SMARCC1: variants seen among roughly 807,000 people sequenced by gnomAD.
The protein encoded by SMARCC1 is SWI/SNF related BAF chromatin remodeling complex subunit C1.
A neutral mutation model predicts 147.4 loss-of-function variants in SMARCC1; 43 were observed. The ratio of observed to expected loss-of-function variants is 0.29; its 90% CI spans 0.23 to 0.38. The LOEUF (loss-of-function observed/expected upper bound fraction) is 0.38, where lower values mean the gene tolerates loss of function less well. Among genes scored for constraint, SMARCC1 ranks in the 10% least tolerant of loss-of-function variants. The pLI, the probability that SMARCC1 is intolerant of heterozygous loss-of-function variation, is 1.00. For missense variants in SMARCC1, 1,119 were observed against 1,381.1 expected (o/e 0.81, Z 3.01); for synonymous variants, 495 against 484.4 (o/e 1.02, Z -0.29).
chr3:47,662,980 G>GC (rs1308155379), intron 19 of SMARCC1, among the ~76,000 whole-genome samples: 5 of 150,624 alleles, frequency 3.3e-5, no homozygotes, highest in Non-Finnish European at 5.9e-5. Context: ...GGAGACTGAG[G>GC]CACCAGAATC....
Position 47,633,817 on chromosome 3 carries a change from C to T in SMARCC1, c.2646+1373G>A, listed in dbSNP as rs185974677. Among the ~76,000 whole-genome samples the T allele has an allele frequency of 3.3e-3, 408 of 125,316 alleles. 3 individuals are homozygous for T. The highest frequency in any genetic ancestry group is 4.4e-3 in the Non-Finnish European group (264 of 59,762). 82.2% of individuals were successfully genotyped at this position (125,316 alleles called of 152,430 possible). A position where few individuals can be genotyped will look rare whatever the true frequency, so the allele number is the denominator to read the frequency against. ...ACACACACACACACACACACACACA[C>T]ATATATATAAAATGTGAGAGACTAT... is the stretch of plus-strand genomic sequence containing the variant. On this transcript the variant is annotated intron_variant, in intron 24 of 27. Transcript: ENST00000254480.
At chr3:47,602,391 G>T (rs2032401797) in intron 26 of SMARCC1, among the ~76,000 whole-genome samples, 1 of 152,152 alleles carries the variant, frequency 6.6e-6, no homozygotes, top group African/African-American at 2.4e-5. Flanking sequence ...TTGACCTCCT[G>T]GGATCAAGTG....
intron 26 of SMARCC1, among the ~76,000 whole-genome samples, chr3:47,598,232 C>G (rs1162714862): frequency 2.6e-5 from 4 of 152,126 alleles, no homozygotes; most frequent in Non-Finnish European, 5.9e-5. Context: ...GCGTGAAGGA[C>G]AACAGGAGAT....
chr3:47,723,083 G>A (rs1276265375), intron 6 of SMARCC1, among the ~76,000 whole-genome samples: 5 of 152,094 alleles, frequency 3.3e-5, no homozygotes, highest in Non-Finnish European at 7.3e-5. Context: ...ATAAGGAGAC[G>A]GTTACAGCTA....
chr3:47,766,616 T>C (rs1366956133), intron 2 of SMARCC1, among the ~76,000 whole-genome samples: 1 of 152,162 alleles, frequency 6.6e-6, no homozygotes, highest in African/African-American at 2.4e-5. Flanking sequence ...ATTACAATTA[T>C]GTTTACATTA....
At chr3:47,744,842 G>A (rs1279905393) in intron 3 of SMARCC1, among the ~76,000 whole-genome samples, 1 of 152,154 alleles carries the variant, frequency 6.6e-6, no homozygotes, top group Non-Finnish European at 1.5e-5. Flanking sequence ...GGAGCAAAAT[G>A]GCAGGAATAT....
intron 9 of SMARCC1, 91 bp downstream of exon 9, chr3:47,710,592 G>T (rs2034073119): frequency 3.8e-6 from 5 of 1,308,916 alleles, no homozygotes; most frequent in Non-Finnish European, 4.2e-6. Context: ...TTCCTAAGTG[G>T]TTTGTATATG....
At chr3:47,734,553 C>T (rs865971110) in intron 5 of SMARCC1, among the ~76,000 whole-genome samples, 1 of 152,180 alleles carries the variant, frequency 6.6e-6, no homozygotes, top group African/African-American at 2.4e-5. Context: ...AACTCAGTCA[C>T]ATAAAGAATG....
rs148146122 is a variant in SMARCC1, at chr3:47,711,041, C to T, written c.793-233G>A. Among the ~76,000 whole-genome samples, 36 of 152,252 alleles carry T rather than the reference C, an allele frequency of 2.4e-4. No individual in the cohort carries two copies. The East Asian group carries it at 5.6e-3, about 24-fold the overall frequency. On this transcript the variant is annotated intron_variant, in intron 8 of 27. Coordinates refer to ENST00000254480, the MANE Select transcript of SMARCC1 (RefSeq NM_003074.4). ...TTATACTAGACCCAGATTTTGATAG[C>T]AAAGTCCCTCAAATTTGTTTTGCTT...
intron 24 of SMARCC1, among the ~76,000 whole-genome samples, chr3:47,632,972 A>C (rs2032912749): frequency 6.6e-6 from 1 of 152,090 alleles, no homozygotes; most frequent in Non-Finnish European, 1.5e-5. Context: ...GAAGTTAAAA[A>C]AAAAAAAAAG....
intron 1 of SMARCC1, among the ~76,000 whole-genome samples, chr3:47,781,328 C>T (rs1404810794): frequency 6.6e-6 from 1 of 152,206 alleles, no homozygotes; most frequent in Non-Finnish European, 1.5e-5. Flanking sequence ...GTCACACTCG[C>T]TTAGTGGCTG....
intron 14 of SMARCC1, among the ~76,000 whole-genome samples, chr3:47,682,218 C>G (rs930404876): frequency 2.0e-5 from 3 of 151,162 alleles, no homozygotes; most frequent in African/African-American, 7.3e-5. Flanking sequence ...TGGCGTGAAC[C>G]CGGAAGGCGG....
At chr3:47,728,714 C>T (rs1325963338) in intron 6 of SMARCC1, among the ~76,000 whole-genome samples, 1 of 152,094 alleles carries the variant, frequency 6.6e-6, no homozygotes, top group Non-Finnish European at 1.5e-5. Flanking sequence ...AAACCACCAT[C>T]CTGGCCAACA....
intron 25 of SMARCC1, among the ~76,000 whole-genome samples, chr3:47,621,884 T>C (rs2032738674): frequency 6.6e-6 from 1 of 151,920 alleles, no homozygotes; most frequent in East Asian, 1.9e-4. Context: ...TTCTACTTTA[T>C]TGGTAACAAG....
chr3:47,603,801 T>C (rs2032425775), intron 26 of SMARCC1: 1 of 324,440 alleles, frequency 3.1e-6, no homozygotes, highest in African/African-American at 2.2e-5. Flanking sequence ...CAACCTCAGT[T>C]TCCATTTGCC....
intron 25 of SMARCC1, among the ~76,000 whole-genome samples, chr3:47,611,788 G>A (rs2032569055): frequency 6.6e-6 from 1 of 152,180 alleles, no homozygotes; most frequent in African/African-American, 2.4e-5. Context: ...AGCAACTGGG[G>A]TATTTCCATG....
At position 47,587,209 on chromosome 3, in the gene SMARCC1, C is replaced by T. The variant is rs965922574; in HGVS notation, c.*1000G>A. 2.6e-5 allele frequency: 4 copies of T among 152,502 alleles called. No homozygotes were observed. The highest frequency in any genetic ancestry group is 4.4e-5 in the Non-Finnish European group (3 of 68,016). 9.4% of individuals were successfully genotyped at this position (152,502 alleles called of 1,614,324 possible). On this transcript the variant is annotated 3_prime_UTR_variant, in exon 28 of 28. Transcript: ENST00000254480. Reference sequence around the variant, plus strand: ...AGCCATCCTAACCAAGTTTCATGAGCTAAAATATTTAGCACTATCTACTTT... The same window carrying T: ...AGCCATCCTAACCAAGTTTCATGAGTTAAAATATTTAGCACTATCTACTTT...
intron 13 of SMARCC1, among the ~76,000 whole-genome samples, chr3:47,688,462 G>GA (rs199897080): frequency 4.3e-4 from 63 of 147,350 alleles, no homozygotes; most frequent in East Asian, 7.8e-4. Flanking sequence ...CTTTGCAAAT[G>GA]AAAAAAAAAA....
intron 1 of SMARCC1, among the ~76,000 whole-genome samples, chr3:47,776,777 A>T (rs376210727): frequency 1.2e-3 from 181 of 151,868 alleles, no homozygotes; most frequent in Middle Eastern, 3.4e-3. Context: ...ATATATATAT[A>T]TTTTTTCTTT....
Sources: gnomAD v4.1 joint callset for allele counts (sites outside exome capture counted in the v4.1 genomes callset) on GRCh38, gnomAD v4.1.1 for gene constraint, MANE v1.5 for transcripts, NCBI Gene and HGNC (gene_info 2026-07-23, HGNC 2026-07-21) for gene names.